Variants in CYRIB observed in about 807,000 individuals in gnomAD.
CYRIB encodes the protein CYFIP related Rac1 interactor B.
A neutral mutation model predicts 44.2 loss-of-function variants in CYRIB; 8 were observed. The observed-to-expected ratio is 0.18, with a 90% confidence interval of 0.11 to 0.33. The LOEUF is 0.33. Ranked by LOEUF, CYRIB falls within the 10% of genes least tolerant of loss-of-function variation. CYRIB has a pLI of 1.00. For synonymous variants in CYRIB, 131 were observed against 127.2 expected (o/e 1.03, Z -0.20); for missense variants, 185 against 382.8 (o/e 0.48, Z 4.31).
intron 2 of CYRIB, among the ~76,000 whole-genome samples, chr8:129,895,921 A>ATTAT (rs2067829940): frequency 6.6e-6 from 1 of 152,130 alleles, no homozygotes; most frequent in Non-Finnish European, 1.5e-5. Flanking sequence ...TTTTGCTAAC[A>ATTAT]TTTCACCTTG....
chr8:129,892,325 T>C (rs2065796513), intron 2 of CYRIB, among the ~76,000 whole-genome samples: 1 of 152,226 alleles, frequency 6.6e-6, no homozygotes, highest in Non-Finnish European at 1.5e-5. Context: ...AAATACGTTA[T>C]CATTAGACAA....
chr8:129,910,474 TCA>T (rs1189511418), intron 1 of CYRIB, among the ~76,000 whole-genome samples: 1 of 146,048 alleles, frequency 6.8e-6, no homozygotes, highest in Non-Finnish European at 1.5e-5. Flanking sequence ...GTGCCTTCTT[TCA>T]CTTTTTTTTT....
At chr8:129,855,390 C>CA (rs200820053) in intron 6 of CYRIB, among the ~76,000 whole-genome samples, 4,777 of 102,198 alleles carry the variant, frequency 0.047, 168 homozygotes, top group African/African-American at 0.12. Flanking sequence ...GGCTCTGCCT[C>CA]AAAAAAAAAA....
chr8:129,857,244 C>T (rs16904160), intron 5 of CYRIB, among the ~76,000 whole-genome samples: 3,738 of 152,154 alleles, frequency 0.025, 172 homozygotes, highest in African/African-American at 0.083. Flanking sequence ...ATGATTACAG[C>T]TGTGATATGT....
intron 11 of CYRIB, among the ~76,000 whole-genome samples, chr8:129,842,984 T>G (rs1373092385): frequency 6.6e-6 from 1 of 152,142 alleles, no homozygotes; most frequent in African/African-American, 2.4e-5. Context: ...AAATCCAACA[T>G]AAGAATCCAA....
rs528529292 is a variant in CYRIB, at chr8:129,923,458, A to G, written c.-50+16150T>C. 3.8e-4 allele frequency among the ~76,000 whole-genome samples: 57 copies of G among 151,934 alleles called. No homozygotes were observed. The East Asian group carries it at 0.01, about 27-fold the overall frequency. On this transcript the variant is annotated intron_variant, in intron 1 of 11. Transcript: ENST00000519824. Reference sequence around the variant, plus strand: ...CCCAGCTAATTTTTGTATTTTTAGTAGAGACGGAGTTTCACTATGTTGGCC... The same window carrying G: ...CCCAGCTAATTTTTGTATTTTTAGTGGAGACGGAGTTTCACTATGTTGGCC...
At chr8:129,922,817 C>A (rs1186816249) in intron 1 of CYRIB, among the ~76,000 whole-genome samples, 18 of 150,706 alleles carry the variant, frequency 1.2e-4, no homozygotes, top group African/African-American at 3.9e-4. Flanking sequence ...GAGCCGAGAT[C>A]GCACCACTGC....
intron 1 of CYRIB, among the ~76,000 whole-genome samples, chr8:129,938,448 T>C (rs1446798275): frequency 6.6e-5 from 10 of 152,216 alleles, no homozygotes; most frequent in Admixed American, 6.5e-4. Flanking sequence ...CTGACATACA[T>C]TTTTCACATA....
At chr8:129,892,518 C>G (rs1392184864) in intron 2 of CYRIB, among the ~76,000 whole-genome samples, 2 of 151,738 alleles carry the variant, frequency 1.3e-5, no homozygotes, top group African/African-American at 2.4e-5. Flanking sequence ...TTAACTATGG[C>G]TTTCTTTATA....
intron 1 of CYRIB, among the ~76,000 whole-genome samples, chr8:129,984,730 C>T (rs565828414): frequency 6.6e-6 from 1 of 152,142 alleles, no homozygotes; most frequent in Non-Finnish European, 1.5e-5. Flanking sequence ...GTCCTGGGTC[C>T]TCTAGGAATG....
intron 1 of CYRIB, among the ~76,000 whole-genome samples, chr8:129,987,174 A>T (rs893101127): frequency 1.3e-5 from 2 of 152,136 alleles, no homozygotes. Flanking sequence ...CAAGAAAGAA[A>T]AGCAGGGCCA....
chr8:129,915,288 A>G (rs2136601494), intron 1 of CYRIB, among the ~76,000 whole-genome samples: 1 of 152,342 alleles, frequency 6.6e-6, no homozygotes, highest in African/African-American at 2.4e-5. Context: ...TCCATATGCT[A>G]GAATACTATT....
chr8:129,876,091 T>C lies in CYRIB; in HGVS notation c.73+3298A>G, dbSNP rs560994493. Among the ~76,000 whole-genome samples, 21 of 150,174 alleles carry C rather than the reference T, an allele frequency of 1.4e-4. No homozygotes were observed. In the East Asian group the frequency reaches 2.3e-3, roughly 17 times the overall value. ...TCATGCCATTGCACTCCAGCTTGGG[T>C]GACGGAGTGAGACTCCATCTCAAGA... On this transcript the variant is annotated intron_variant, in intron 3 of 11. Transcript: ENST00000519824.
At chr8:129,980,743 A>AGGC (rs1488324494) in intron 1 of CYRIB, among the ~76,000 whole-genome samples, 1 of 152,146 alleles carries the variant, frequency 6.6e-6, no homozygotes, top group Admixed American at 6.6e-5. Flanking sequence ...GCACTTTGGG[A>AGGC]GGCCAAGGCA....
At chr8:129,992,231 G>A (rs2096657659) in intron 1 of CYRIB, among the ~76,000 whole-genome samples, 1 of 151,376 alleles carries the variant, frequency 6.6e-6, no homozygotes, top group Non-Finnish European at 1.5e-5. Context: ...TGAGGCAGGA[G>A]GATTGCTTGA....
intron 11 of CYRIB, among the ~76,000 whole-genome samples, chr8:129,845,581 A>T (rs2039465622): frequency 6.6e-6 from 1 of 152,246 alleles, no homozygotes; most frequent in Admixed American, 6.5e-5. Flanking sequence ...GCTACCGCTT[A>T]TGCAACACTT....
In CYRIB at chr8:130,012,973, T is replaced by C; in HGVS notation, c.-296+3397A>G. 1.3e-5 allele frequency among the ~76,000 whole-genome samples: 2 copies of C among 152,196 alleles called. 1 individual carries two copies. The highest frequency in any genetic ancestry group is 1.3e-4 in the Admixed American group (2 of 15,278). On this transcript the variant is annotated intron_variant, in intron 1 of 14. Coordinates refer to the CYRIB transcript ENST00000401979. ...AAGGCGTCCGTCTTCAACAGGCCTT[T>C]ATCAAGTATCCCCTTTAGGGAAGAG...
intron 2 of CYRIB, among the ~76,000 whole-genome samples, chr8:129,954,514 C>A (rs933679077): frequency 5.4e-5 from 6 of 111,158 alleles, no homozygotes; most frequent in African/African-American, 1.8e-4. Flanking sequence ...TGAGCCACTG[C>A]GCCTGGCCTA....
intron 4 of CYRIB, among the ~76,000 whole-genome samples, chr8:129,866,751 T>C (rs1645076610): frequency 1.3e-5 from 2 of 152,244 alleles, no homozygotes; most frequent in Non-Finnish European, 2.9e-5. Flanking sequence ...TTTTCATAAC[T>C]GGACAGAGAT....
Sources: gnomAD v4.1 joint callset for allele counts (sites outside exome capture counted in the v4.1 genomes callset) on GRCh38, gnomAD v4.1.1 for gene constraint, MANE v1.5 for transcripts, NCBI Gene and HGNC (gene_info 2026-07-23, HGNC 2026-07-21) for gene names.